Variants in HSPB1 observed in about 807,000 individuals in gnomAD.
The protein encoded by HSPB1 is heat shock protein family B (small) member 1.
A neutral mutation model predicts 17.0 loss-of-function variants in HSPB1; 19 were observed. The ratio of observed to expected loss-of-function variants is 1.12; its 90% CI spans 0.78 to 1.64. The LOEUF (loss-of-function observed/expected upper bound fraction) is 1.64, where lower values mean the gene tolerates loss of function less well. HSPB1 is among the 40% of genes most tolerant of loss of function. The probability of loss-of-function intolerance (pLI) is 0.00; values close to 1 mark genes in which losing one functional copy is unlikely to be tolerated. For synonymous variants in HSPB1, 165 were observed against 129.8 expected (o/e 1.27, Z -1.84); for missense variants, 348 against 289.2 (o/e 1.20, Z -1.47).
chr7:76,303,669 C>A (rs1803052880), intron 1 of HSPB1, 133 bp from the exon 2 acceptor site: 6 of 689,662 alleles, frequency 8.7e-6, no homozygotes, highest in Non-Finnish European at 1.6e-5. Flanking sequence ...ACGCCCCCAT[C>A]CCCAACCCCC....
rs753061670 is a variant in HSPB1, at chr7:76,303,082, C to G, written c.364+6C>G. The stretch of plus-strand genomic sequence containing the variant: ...TGGCGTGGTGGAGATCACCGGTGAG[C>G]CCCCCTGCTCCTGCAGGGGAGAGGA... On this transcript the variant is annotated splice_donor_region_variant and intron_variant, in intron 1 of 2. Transcript: ENST00000248553. 221 of 1,515,912 alleles carry G rather than the reference C, an allele frequency of 1.5e-4. No homozygotes were observed. The highest frequency in any genetic ancestry group is 2.4e-4 in the Admixed American group (12 of 49,690). The allele number at this position is 1,515,912 out of a possible 1,614,324, so 93.9% of individuals were successfully genotyped here.
rs780988351 is a variant in HSPB1, at chr7:76,303,076, G to A, written c.364G>A (p.Gly122Ser). The A allele has an allele frequency of 3.0e-5, 45 of 1,523,786 alleles. No individual in the cohort carries two copies. Among genetic ancestry groups the A allele is most frequent in the Non-Finnish European group, 3.6e-5 (41 of 1,136,490 alleles). The allele number at this position is 1,523,786 out of a possible 1,614,324, so 94.4% of individuals were successfully genotyped here. Residue 122 changes from glycine to serine, a missense_variant and splice_region_variant, in exon 1 of 3, where the codon GGC becomes AGC. Coordinates refer to ENST00000248553, the MANE Select transcript of HSPB1 (RefSeq NM_001540.5). ...CAAGGATGGCGTGGTGGAGATCACC[G>A]GTGAGCCCCCCTGCTCCTGCAGGGG... The part of the protein sequence containing the change: ...KTKDGVVEIT[G>S]KHEERQDEHG...
At position 76,302,980 on chromosome 7, in the gene HSPB1, C is replaced by T; in HGVS notation, c.268C>T (p.His90Tyr). 6.5e-7 allele frequency: 1 copy of T among 1,544,234 alleles called. No individual in the cohort carries two copies. ...QLSSGVSEIRHTADRWRVSLD... is the reference protein window; with the variant it reads ...QLSSGVSEIRYTADRWRVSLD... The stretch of plus-strand genomic sequence containing the variant: ...CAGCAGCGGGGTCTCGGAGATCCGG[C>T]ACACTGCGGACCGCTGGCGCGTGTC... Residue 90 changes from histidine to tyrosine, a missense_variant, in exon 1 of 3, where the codon CAC becomes TAC. Physicochemically the swap from His to Tyr is moderately conservative, Grantham distance 83. Transcript: ENST00000248553.
chr7:76,303,921 A>G (rs1190967038), intron 2 of HSPB1, 56 bp downstream of exon 2: 5 of 1,610,168 alleles, frequency 3.1e-6, no homozygotes, highest in Non-Finnish European at 4.2e-6. Flanking sequence ...GGGTCAGGGA[A>G]GAGGGCACAG....
intron 2 of HSPB1, 32 bp downstream of exon 2, chr7:76,303,897 G>A (rs1342844074): frequency 1.9e-6 from 3 of 1,590,038 alleles, no homozygotes; most frequent in Non-Finnish European, 2.6e-6. Flanking sequence ...GGGTGGGTGG[G>A]TGGCGTGGGG....
At chr7:76,303,435 A>G (rs1418768226) in intron 1 of HSPB1, 1 of 486,240 alleles carries the variant, frequency 2.1e-6, no homozygotes, top group Non-Finnish European at 3.6e-6. Context: ...GAAGAGAGAA[A>G]ATGCGCTTTT....
rs1218039816 is a variant in HSPB1, at chr7:76,304,117, CGGGCCCAGCTTGG to C, written c.571_583del (p.Leu191LysfsTer36). The C allele has an allele frequency of 8.1e-6, 13 of 1,613,232 alleles. No homozygotes were observed. The East Asian group carries it at 1.1e-4, about 14-fold the overall frequency. On this transcript the variant is annotated frameshift_variant, in exon 3 of 3. Coordinates refer to ENST00000248553, the MANE Select transcript of HSPB1 (RefSeq NM_001540.5). LOFTEE classifies it high-confidence loss of function. ...CACCATCCCAGTCACCTTCGAGTCG[CGGGCCCAGCTTGG>C]GGGCCCAGAAGCTGCAAAATCCGAT...
At position 76,303,076 on chromosome 7, in the gene HSPB1, G is replaced by T; in HGVS notation, c.364G>T (p.Gly122Cys). The change falls in exon 1 of 3, where the codon GGC becomes TGC. Residue 122 changes from glycine (G) to cysteine (C), a missense_variant and splice_region_variant. By Grantham distance (159) the Gly-to-Cys change is radical. Coordinates refer to ENST00000248553, the MANE Select transcript of HSPB1 (RefSeq NM_001540.5). ...KTKDGVVEIT[G>C]KHEERQDEHG... ...CAAGGATGGCGTGGTGGAGATCACC[G>T]GTGAGCCCCCCTGCTCCTGCAGGGG... 2 of 1,523,904 alleles carry T rather than the reference G, an allele frequency of 1.3e-6. No homozygotes were observed. Among genetic ancestry groups the T allele is most frequent in the Non-Finnish European group, 1.8e-6 (2 of 1,136,484 alleles). 94.4% of individuals were successfully genotyped at this position (1,523,904 alleles called of 1,614,324 possible).
rs1803067344 is a variant in HSPB1, at chr7:76,303,995, G to T, written c.440G>T (p.Gly147Val). 2 of 1,613,658 alleles carry T rather than the reference G, an allele frequency of 1.2e-6. No individual in the cohort carries two copies. The highest frequency in any genetic ancestry group is 1.7e-5 in the Admixed American group (1 of 59,980). ...CTCTGCACGTCCAGGCTGCCCCCCG[G>T]TGTGGACCCCACCCAAGTTTCCTCC... is the stretch of plus-strand genomic sequence containing the variant. ...CFTRKYTLPP[G>V]VDPTQVSSSL... is the part of the protein sequence containing the mutation. The change falls in exon 3 of 3, where the codon GGT becomes GTT. Residue 147 changes from glycine to valine, a missense_variant. Gly to Val is a moderately radical substitution (Grantham distance 109). Transcript: ENST00000248553.
rs1286177699 is a variant in HSPB1, at chr7:76,303,487, AGCGGGGAGTTCCCTGGC to A, written c.365-310_365-294del. ...CCACCCACAGCCCCATCCCCAGATA[AGCGGGGAGTTCCCTGGC>A]GCGGTGCCAGTTTCTAGCCGCTGAG... On this transcript the variant is annotated intron_variant, in intron 1 of 2. Transcript: ENST00000248553. 2.2e-5 allele frequency: 12 copies of A among 557,406 alleles called. No homozygotes were observed. In the African/African-American group the frequency reaches 2.3e-4, roughly 10 times the overall value. The allele number at this position is 557,406 out of a possible 1,614,324, so 34.5% of individuals were successfully genotyped here. A position where few individuals can be genotyped will look rare whatever the true frequency, so the allele number is the denominator to read the frequency against.
intron 1 of HSPB1, 155 bp from the exon 2 acceptor site, chr7:76,303,647 A>G: frequency 1.5e-6 from 1 of 660,426 alleles, no homozygotes; most frequent in Non-Finnish European, 2.8e-6. Flanking sequence ...CTGAGAGCCC[A>G]GACCGGCGGG....
chr7:76,303,207 A>C, intron 1 of HSPB1, 131 bp downstream of exon 1: 1 of 1,105,392 alleles, frequency 9.0e-7, no homozygotes, highest in Non-Finnish European at 1.3e-6. Flanking sequence ...GAAAAACAGG[A>C]CTCCTGATTC....
At chr7:76,303,180 C>A in intron 1 of HSPB1, 104 bp downstream of exon 1, 1 of 1,375,084 alleles carries the variant, frequency 7.3e-7, no homozygotes, top group Non-Finnish European at 9.8e-7. Flanking sequence ...GGGAGTTAAA[C>A]GTTGGCCCAG....
intron 1 of HSPB1, 124 bp from the exon 2 acceptor site, chr7:76,303,678 C>A: frequency 1.4e-6 from 1 of 723,144 alleles, no homozygotes; most frequent in Non-Finnish European, 2.5e-6. Flanking sequence ...TCCCCAACCC[C>A]CTCTGTTAAT....
Position 76,302,859 on chromosome 7 carries a change from C to G in HSPB1, c.147C>G (p.Ser49Arg), listed in dbSNP as rs747433465. The change falls in exon 1 of 3, where the codon AGC (serine) becomes AGG (arginine). Residue 49 changes from serine (S) to arginine (R), a missense_variant. Ser to Arg is a moderately radical substitution (Grantham distance 110). Coordinates refer to ENST00000248553, the MANE Select transcript of HSPB1 (RefSeq NM_001540.5). ...AGTGGTCGCAGTGGTTAGGCGGCAGCAGCTGGCCAGGCTACGTGCGCCCCC... is the reference window on the plus strand; with the variant it reads ...AGTGGTCGCAGTGGTTAGGCGGCAGGAGCTGGCCAGGCTACGTGCGCCCCC... ...PEEWSQWLGGSSWPGYVRPLP... is the reference protein window; with the variant it reads ...PEEWSQWLGGRSWPGYVRPLP... 6.3e-7 allele frequency: 1 copy of G among 1,589,596 alleles called. No individual in the cohort carries two copies. Among genetic ancestry groups the G allele is most frequent in the South Asian group, 1.1e-5 (1 of 88,810 alleles).
Position 76,302,786 on chromosome 7 carries a change from A to G in HSPB1, c.74A>G (p.His25Arg). The G allele has an allele frequency of 1.2e-6, 2 of 1,608,212 alleles. No individual in the cohort carries two copies. Among genetic ancestry groups the G allele is most frequent in the Non-Finnish European group, 8.5e-7 (1 of 1,179,358 alleles). The change falls in exon 1 of 3, where the codon CAT (histidine) becomes CGT (arginine). Residue 25 changes from histidine (H) to arginine (R), a missense_variant. Transcript: ENST00000248553. ...SWDPFRDWYPHSRLFDQAFGL... is the reference protein window; with the variant it reads ...SWDPFRDWYPRSRLFDQAFGL... ...GACCCCTTCCGCGACTGGTACCCGC[A>G]TAGCCGCCTCTTCGACCAGGCCTTC...
chr7:76,302,792 G>C lies in HSPB1; in HGVS notation c.80G>C (p.Arg27Pro), dbSNP rs367662394. ...TTCCGCGACTGGTACCCGCATAGCC[G>C]CCTCTTCGACCAGGCCTTCGGGCTG... ...DPFRDWYPHS[R>P]LFDQAFGLPR... The change falls in exon 1 of 3, where the codon CGC becomes CCC. Residue 27 changes from arginine to proline, a missense_variant. Transcript: ENST00000248553. The C allele has an allele frequency of 3.0e-4, 485 of 1,608,564 alleles. No individual in the cohort carries two copies. Among genetic ancestry groups the C allele is most frequent in the South Asian group, 3.7e-4 (34 of 90,916 alleles).
rs1168942304 is a variant in HSPB1, at chr7:76,304,133, G to A, written c.578G>A (p.Gly193Asp). ...TTCGAGTCGCGGGCCCAGCTTGGGG[G>A]CCCAGAAGCTGCAAAATCCGATGAG... ...VTFESRAQLG[G>D]PEAAKSDETA... Residue 193 changes from glycine (G) to aspartate (D), a missense_variant, in exon 3 of 3, where the codon GGC becomes GAC. Physicochemically the swap from Gly to Asp is moderately conservative, Grantham distance 94. Coordinates refer to ENST00000248553, the MANE Select transcript of HSPB1 (RefSeq NM_001540.5). The A allele has an allele frequency of 6.2e-6, 10 of 1,612,502 alleles. No homozygotes were observed. Among genetic ancestry groups the A allele is most frequent in the African/African-American group, 1.3e-5 (1 of 74,978 alleles).
rs771232749 is a variant in HSPB1 at position 76,304,006 on chromosome 7, A to C, written c.451A>C (p.Thr151Pro). 17 of 1,613,446 alleles carry C rather than the reference A, an allele frequency of 1.1e-5. No individual in the cohort carries two copies. Among genetic ancestry groups the C allele is most frequent in the Non-Finnish European group, 1.4e-5 (17 of 1,179,954 alleles). Residue 151 changes from threonine to proline, a missense_variant, in exon 3 of 3, where the codon ACC becomes CCC. Coordinates refer to ENST00000248553, the MANE Select transcript of HSPB1 (RefSeq NM_001540.5). The part of the protein sequence containing the change: ...KYTLPPGVDP[T>P]QVSSSLSPEG... ...CAGGCTGCCCCCCGGTGTGGACCCC[A>C]CCCAAGTTTCCTCCTCCCTGTCCCC...
Sources: gnomAD v4.1 joint callset for allele counts on GRCh38, gnomAD v4.1.1 for gene constraint, MANE v1.5 for transcripts, NCBI Gene and HGNC (gene_info 2026-07-23, HGNC 2026-07-21) for gene names.